MAP2K6: variants seen among roughly 807,000 people sequenced by gnomAD.
The protein encoded by MAP2K6 is mitogen-activated protein kinase kinase 6, also known as dual specificity mitogen-activated protein kinase kinase 6.
MAP2K6 carries 16 observed loss-of-function variants against 53.7 expected under a neutral mutation model. That is an observed-to-expected ratio of 0.30 (90% CI 0.20 to 0.45). The LOEUF (loss-of-function observed/expected upper bound fraction) is 0.45. Ranked by LOEUF, MAP2K6 falls within the 20% of genes least tolerant of loss-of-function variation. MAP2K6 has a pLI of 1.00. For synonymous variants in MAP2K6, 132 were observed against 143.1 expected (o/e 0.92, Z 0.55); for missense variants, 204 against 411.9 (o/e 0.50, Z 4.37).
At chr17:69,459,245 A>G (rs2145168095) in intron 1 of MAP2K6, among the ~76,000 whole-genome samples, 1 of 152,256 alleles carries the variant, frequency 6.6e-6, no homozygotes, top group East Asian at 1.9e-4. Context: ...AATTGCCTGT[A>G]CTTTTCTTGT....
At chr17:69,428,129 A>G (rs1254498969) in intron 1 of MAP2K6, among the ~76,000 whole-genome samples, 1 of 152,224 alleles carries the variant, frequency 6.6e-6, no homozygotes, top group Non-Finnish European at 1.5e-5. Context: ...ACTACCCTCA[A>G]GAAGCTCATA....
At chr17:69,522,243 T>C (rs959257539) in intron 7 of MAP2K6, among the ~76,000 whole-genome samples, 14 of 152,094 alleles carry the variant, frequency 9.2e-5, no homozygotes, top group African/African-American at 3.4e-4. Flanking sequence ...TTAGTTGTTA[T>C]TATTAAAAAT....
intron 1 of MAP2K6, among the ~76,000 whole-genome samples, chr17:69,440,116 C>T (rs538407305): frequency 4.1e-4 from 62 of 152,042 alleles, no homozygotes; most frequent in African/African-American, 1.3e-3. Context: ...GGCATGATCT[C>T]GGCTCACTGC....
chr17:69,439,678 C>T (rs1029488351), intron 1 of MAP2K6, among the ~76,000 whole-genome samples: 3 of 152,196 alleles, frequency 2.0e-5, no homozygotes, highest in African/African-American at 7.2e-5. Context: ...AAAGCCATCT[C>T]CTCCACACCA....
In MAP2K6 at chr17:69,541,971, G is replaced by A. The variant is rs1911660560; in HGVS notation, c.*218G>A. ...TCTAGATGGATGAATTATGATAAAG[G>A]CTTAGGACTTCAAAAGGTGATTAAA... On this transcript the variant is annotated 3_prime_UTR_variant, in exon 12 of 12. Coordinates refer to ENST00000590474, the MANE Select transcript of MAP2K6 (RefSeq NM_002758.4). 3.1e-6 allele frequency: 1 copy of A among 325,820 alleles called. No homozygotes were observed. The highest frequency in any genetic ancestry group is 5.9e-6 in the Non-Finnish European group (1 of 170,634). 20.2% of individuals were successfully genotyped at this position (325,820 alleles called of 1,614,324 possible). A position where few individuals can be genotyped will look rare whatever the true frequency, so the allele number is the denominator to read the frequency against.
rs1354608127 is a variant in MAP2K6 at position 69,469,047 on chromosome 17, A to T, written c.17-36733A>T. Among the ~76,000 whole-genome samples the T allele has an allele frequency of 3.9e-5, 6 of 152,198 alleles. No homozygotes were observed. The East Asian group carries it at 7.7e-4, about 20-fold the overall frequency. ...GAGGCCCTTGTGGTCTGCAGCAGAG[A>T]GTGCAGGACCTATTTTCTAGGGGAG... On this transcript the variant is annotated intron_variant, in intron 1 of 11. Coordinates refer to ENST00000590474, the MANE Select transcript of MAP2K6 (RefSeq NM_002758.4).
intron 1 of MAP2K6, among the ~76,000 whole-genome samples, chr17:69,482,563 A>G (rs1908384934): frequency 6.6e-6 from 1 of 151,242 alleles, no homozygotes; most frequent in African/African-American, 2.4e-5. Flanking sequence ...AGTCTTCTGC[A>G]TCTTATTTCA....
At chr17:69,426,655 T>C (rs770136510) in intron 1 of MAP2K6, among the ~76,000 whole-genome samples, 21 of 152,122 alleles carry the variant, frequency 1.4e-4, no homozygotes, top group Admixed American at 6.6e-5. Flanking sequence ...ATCAGGAAAG[T>C]GTTGACAGGT....
intron 4 of MAP2K6, among the ~76,000 whole-genome samples, chr17:69,518,073 G>A (rs531155147): frequency 3.3e-5 from 5 of 152,024 alleles, no homozygotes; most frequent in Admixed American, 1.3e-4. Flanking sequence ...ACCTGTAGTC[G>A]CAGCTACTTG....
chr17:69,547,304 G>A lies in MAP2K6; in HGVS notation c.*5551G>A, dbSNP rs1450247911. The A allele has an allele frequency of 1.3e-5, 2 of 152,200 alleles. No homozygotes were observed. The highest frequency in any genetic ancestry group is 2.9e-5 in the Non-Finnish European group (2 of 68,052). The allele number at this position is 152,200 out of a possible 1,614,324, so 9.4% of individuals were successfully genotyped here. ...AGACCACGGTTGGCAAACTTTTTCT[G>A]TATAGGACCAGATAGTAAATATTTT... On this transcript the variant is annotated 3_prime_UTR_variant, in exon 12 of 12. Transcript: ENST00000590474.
chr17:69,438,549 T>A (rs1906720820), intron 1 of MAP2K6, among the ~76,000 whole-genome samples: 1 of 152,118 alleles, frequency 6.6e-6, no homozygotes, highest in Non-Finnish European at 1.5e-5. Flanking sequence ...AATCTCTGCA[T>A]TTTTTTGTAC....
In MAP2K6 at chr17:69,414,897, G is replaced by C; in HGVS notation, c.-88G>C. On this transcript the variant is annotated 5_prime_UTR_variant, in exon 1 of 12. Transcript: ENST00000590474. ...CTTGCATGAAGATTGCACGCCTGCA[G>C]CTTGCATCTTTGTTGCAAAACTAGC... is the stretch of plus-strand genomic sequence containing the variant. 1.6e-6 allele frequency: 2 copies of C among 1,242,484 alleles called. No individual in the cohort carries two copies. Among genetic ancestry groups the C allele is most frequent in the Non-Finnish European group, 2.4e-6 (2 of 850,868 alleles). The allele number at this position is 1,242,484 out of a possible 1,614,324, so 77.0% of individuals were successfully genotyped here.
intron 1 of MAP2K6, among the ~76,000 whole-genome samples, chr17:69,450,846 A>G (rs1907198728): frequency 6.6e-6 from 1 of 152,196 alleles, no homozygotes; most frequent in Admixed American, 6.5e-5. Flanking sequence ...GTAATAAAAT[A>G]TAAGAAGAGC....
chr17:69,441,208 T>G (rs954589114), intron 1 of MAP2K6, among the ~76,000 whole-genome samples: 1 of 152,240 alleles, frequency 6.6e-6, no homozygotes, highest in East Asian at 1.9e-4. Context: ...CAATGAAGAT[T>G]GTATGTCTTT....
chr17:69,545,558 C>T lies in MAP2K6; in HGVS notation c.*3805C>T, dbSNP rs1236181236. ...AAAAAATTGTATGTGCCAGAGATTC[C>T]TAAACTTTCTGTGTTCAGGGTGCCA... On this transcript the variant is annotated 3_prime_UTR_variant, in exon 12 of 12. Transcript: ENST00000590474. The T allele has an allele frequency of 1.3e-5, 2 of 152,160 alleles. No individual in the cohort carries two copies. The highest frequency in any genetic ancestry group is 6.5e-5 in the Admixed American group (1 of 15,280). The allele number at this position is 152,160 out of a possible 1,614,324, so 9.4% of individuals were successfully genotyped here. A position where few individuals can be genotyped will look rare whatever the true frequency, so the allele number is the denominator to read the frequency against.
chr17:69,503,939 CA>C (rs2031043485), intron 1 of MAP2K6, among the ~76,000 whole-genome samples: 1 of 152,144 alleles, frequency 6.6e-6, no homozygotes, highest in African/African-American at 2.4e-5. Flanking sequence ...AACCAGATGT[CA>C]GCTGGGTATT....
intron 1 of MAP2K6, among the ~76,000 whole-genome samples, chr17:69,470,747 G>A (rs1018438707): frequency 6.6e-6 from 1 of 152,176 alleles, no homozygotes; most frequent in Non-Finnish European, 1.5e-5. Flanking sequence ...TCCTGGTGCT[G>A]TCTGCCTAGA....
intron 1 of MAP2K6, among the ~76,000 whole-genome samples, chr17:69,459,797 A>T (rs1027517165): frequency 4.0e-5 from 6 of 151,308 alleles, no homozygotes; most frequent in South Asian, 2.1e-4. Flanking sequence ...TAAAAAAAAA[A>T]TTTTGTTTCC....
intron 1 of MAP2K6, among the ~76,000 whole-genome samples, chr17:69,416,277 A>C (rs1905897239): frequency 6.6e-6 from 1 of 152,162 alleles, no homozygotes; most frequent in Non-Finnish European, 1.5e-5. Context: ...AGAAGGAAGT[A>C]GTAATCTCAA....
Sources: allele counts gnomAD v4.1 joint callset (sites outside exome capture counted in the v4.1 genomes callset), GRCh38; gene constraint gnomAD v4.1.1; transcripts MANE v1.5; gene names NCBI Gene and HGNC (gene_info 2026-07-23, HGNC 2026-07-21).